The following NTM variants were observed in gnomAD, a reference collection of about 807,000 sequenced individuals.
The protein encoded by NTM is IgLON family member 2.
NTM carries 13 observed loss-of-function variants against 42.1 expected under a neutral mutation model. The ratio of observed to expected loss-of-function variants is 0.31; its 90% CI spans 0.20 to 0.49. The LOEUF (loss-of-function observed/expected upper bound fraction) is 0.49. Ranked by LOEUF, NTM falls within the 20% of genes least tolerant of loss-of-function variation. The probability of loss-of-function intolerance (pLI) is 0.99; values close to 1 mark genes in which losing one functional copy is unlikely to be tolerated. For missense variants in NTM, 373 were observed against 452.8 expected, an observed-to-expected ratio of 0.82 and a Z score of 1.60; for synonymous variants, 187 against 179.2, an observed-to-expected ratio of 1.04 and a Z score of -0.35.
At chr11:131,417,411 T>G (rs1947065682) in intron 1 of NTM, among the ~76,000 whole-genome samples, 1 of 152,166 alleles carries the variant, frequency 6.6e-6, no homozygotes, top group South Asian at 2.1e-4. Flanking sequence ...ATTAAGAGAC[T>G]TGTTATTTAG....
chr11:131,711,301 C>A (rs1380738643), intron 1 of NTM, among the ~76,000 whole-genome samples: 1 of 152,036 alleles, frequency 6.6e-6, no homozygotes, highest in East Asian at 1.9e-4. Flanking sequence ...ACAAACAACC[C>A]CATCAAAAAG....
chr11:131,873,599 C>T (rs1444317294), intron 1 of NTM, among the ~76,000 whole-genome samples: 1 of 100,628 alleles, frequency 9.9e-6, no homozygotes, highest in African/African-American at 4.0e-5. Context: ...TATATATATA[C>T]ATATATATAT....
At chr11:131,919,644 G>A (rs577010310) in intron 2 of NTM, among the ~76,000 whole-genome samples, 1 of 152,242 alleles carries the variant, frequency 6.6e-6, no homozygotes, top group East Asian at 1.9e-4. Flanking sequence ...ATTTAAACAG[G>A]ACCGTTATTA....
chr11:131,907,018 C>T (rs1192628842), intron 1 of NTM, among the ~76,000 whole-genome samples: 3 of 152,210 alleles, frequency 2.0e-5, no homozygotes, highest in Non-Finnish European at 2.9e-5. Flanking sequence ...TTTACACATC[C>T]TTTTCTGATT....
At chr11:131,631,711 A>C (rs144078044) in intron 1 of NTM, among the ~76,000 whole-genome samples, 1 of 152,338 alleles carries the variant, frequency 6.6e-6, no homozygotes, top group African/African-American at 2.4e-5. Flanking sequence ...TTACAATCAA[A>C]GGAGTCTGTT....
At chr11:132,255,258 C>G (rs1449939644) in intron 4 of NTM, among the ~76,000 whole-genome samples, 1 of 152,200 alleles carries the variant, frequency 6.6e-6, no homozygotes, top group Non-Finnish European at 1.5e-5. Flanking sequence ...TTTTGGCTCT[C>G]TTTTAGCTGT....
chr11:132,217,294 A>G (rs2084047710), intron 4 of NTM, among the ~76,000 whole-genome samples: 1 of 152,154 alleles, frequency 6.6e-6, no homozygotes, highest in South Asian at 2.1e-4. Flanking sequence ...CAATCGGTAG[A>G]AAAAAGAAAA....
At chr11:132,278,445 G>A (rs76518728) in intron 4 of NTM, among the ~76,000 whole-genome samples, 3,911 of 152,220 alleles carry the variant, frequency 0.026, 175 homozygotes, top group African/African-American at 0.089. Flanking sequence ...ACACCTACAC[G>A]TGGCCTCTCC....
intron 4 of NTM, chr11:132,284,655 C>CCACCAG (rs1353080522): frequency 6.5e-6 from 1 of 152,832 alleles, no homozygotes; most frequent in African/African-American, 2.4e-5. Context: ...GGGACTTCAA[C>CCACCAG]TTACGGATTT....
chr11:131,658,093 C>T (rs1161037991), intron 1 of NTM, among the ~76,000 whole-genome samples: 1 of 152,164 alleles, frequency 6.6e-6, no homozygotes, highest in Non-Finnish European at 1.5e-5. Flanking sequence ...TTCTATTTCC[C>T]TAACTTTTTA....
intron 3 of NTM, among the ~76,000 whole-genome samples, chr11:132,164,920 C>A (rs565639258): frequency 1.3e-5 from 2 of 152,184 alleles, no homozygotes; most frequent in Non-Finnish European, 2.9e-5. Flanking sequence ...TCAGCTCATG[C>A]AAACGCTACT....
At chr11:131,874,904 A>C (rs570097531) in intron 1 of NTM, among the ~76,000 whole-genome samples, 1 of 152,324 alleles carries the variant, frequency 6.6e-6, no homozygotes, top group African/African-American at 2.4e-5. Flanking sequence ...TTTGTAATTG[A>C]AGAGAGTTTT....
At chr11:131,624,381 G>A (rs1022057631) in intron 1 of NTM, among the ~76,000 whole-genome samples, 1 of 152,138 alleles carries the variant, frequency 6.6e-6, no homozygotes, top group Non-Finnish European at 1.5e-5. Context: ...CTCATCTGTA[G>A]AACGGGCACA....
intron 4 of NTM, among the ~76,000 whole-genome samples, chr11:132,279,684 A>T (rs2093892065): frequency 6.6e-6 from 1 of 152,178 alleles, no homozygotes; most frequent in Non-Finnish European, 1.5e-5. Context: ...TAAAAATCTC[A>T]GCTTAAGTGC....
At chr11:131,586,736 C>A (rs1405433138) in intron 1 of NTM, among the ~76,000 whole-genome samples, 2 of 152,138 alleles carry the variant, frequency 1.3e-5, no homozygotes, top group Non-Finnish European at 2.9e-5. Context: ...AATGGGTTTT[C>A]TATAAGACTC....
At chr11:131,525,993 G>A (rs937578368) in intron 1 of NTM, among the ~76,000 whole-genome samples, 5 of 152,152 alleles carry the variant, frequency 3.3e-5, no homozygotes, top group Non-Finnish European at 5.9e-5. Flanking sequence ...TGCATCCCAC[G>A]GTGTTGAGAT....
At chr11:131,483,586 C>G (rs1953846117) in intron 1 of NTM, among the ~76,000 whole-genome samples, 1 of 152,222 alleles carries the variant, frequency 6.6e-6, no homozygotes, top group African/African-American at 2.4e-5. Flanking sequence ...ATGAAAGCTA[C>G]AGGGCTCTTC....
intron 1 of NTM, among the ~76,000 whole-genome samples, chr11:131,730,962 T>C (rs1317559379): frequency 6.6e-6 from 1 of 152,208 alleles, no homozygotes; most frequent in African/African-American, 2.4e-5. Flanking sequence ...GAATTCTAGT[T>C]AGAGGGCTGT....
At chr11:131,540,170 T>G (rs1417301993) in intron 1 of NTM, among the ~76,000 whole-genome samples, 1 of 138,884 alleles carries the variant, frequency 7.2e-6, no homozygotes, top group African/African-American at 2.7e-5. Flanking sequence ...TTTTTTTTTT[T>G]TTTTTTTTTT....
Sources: allele counts gnomAD v4.1 joint callset (sites outside exome capture counted in the v4.1 genomes callset), GRCh38; gene constraint gnomAD v4.1.1; transcripts MANE v1.5; gene names NCBI Gene and HGNC (gene_info 2026-07-23, HGNC 2026-07-21).